The following NAV3 variants were observed in gnomAD, a reference collection of about 807,000 sequenced individuals.
The protein encoded by NAV3 is pore membrane and/or filament interacting like protein 1.
A neutral mutation model predicts 244.7 loss-of-function variants in NAV3; 87 were observed. The ratio of observed to expected loss-of-function variants is 0.36; its 90% confidence interval spans 0.30 to 0.42. The LOEUF is 0.42. Among genes scored for constraint, NAV3 ranks in the 20% least tolerant of loss-of-function variants. The probability of loss-of-function intolerance (pLI) is 1.00; values close to 1 mark genes in which losing one functional copy is unlikely to be tolerated. For missense variants in NAV3, 2,663 were observed against 2,893.3 expected (o/e 0.92, Z 1.83); for synonymous variants, 1,126 against 1,042.2 (o/e 1.08, Z -1.55).
At chr12:77,865,906 TA>T (rs1879940903) in intron 1 of NAV3, among the ~76,000 whole-genome samples, 1 of 141,870 alleles carries the variant, frequency 7.0e-6, no homozygotes, top group African/African-American at 2.5e-5. Flanking sequence ...ACATAGTGGG[TA>T]ATCAACATAC....
chr12:78,204,628 T>A (rs1038605798), intron 38 of NAV3, among the ~76,000 whole-genome samples: 3 of 152,134 alleles, frequency 2.0e-5, no homozygotes, highest in Non-Finnish European at 4.4e-5. Flanking sequence ...TCTTGGTTTG[T>A]CAAATTACTA....
intron 27 of NAV3, 53 bp from the exon 28 acceptor site, chr12:78,177,567 C>G (rs1958290333): frequency 1.3e-6 from 2 of 1,508,580 alleles, no homozygotes; most frequent in African/African-American, 2.7e-5. Context: ...ATGATTCTCA[C>G]TTCTTTTCAT....
intron 2 of NAV3, among the ~76,000 whole-genome samples, chr12:77,795,509 A>C (rs1056627638): frequency 1.3e-5 from 2 of 152,174 alleles, no homozygotes; most frequent in African/African-American, 4.8e-5. Context: ...CAGACTTTCA[A>C]TGTACAGTAA....
At chr12:77,812,543 T>G (rs1872338242) in intron 2 of NAV3, among the ~76,000 whole-genome samples, 1 of 152,018 alleles carries the variant, frequency 6.6e-6, no homozygotes, top group African/African-American at 2.4e-5. Context: ...GCCTTCCAAG[T>G]AGCTGGGATT....
intron 2 of NAV3, among the ~76,000 whole-genome samples, chr12:77,576,233 G>A (rs1307078587): frequency 6.6e-6 from 1 of 151,978 alleles, no homozygotes; most frequent in Non-Finnish European, 1.5e-5. Flanking sequence ...TTAATTGATA[G>A]GAATAATACT....
intron 2 of NAV3, among the ~76,000 whole-genome samples, chr12:77,802,989 A>G (rs991343397): frequency 6.6e-6 from 1 of 152,098 alleles, no homozygotes; most frequent in Non-Finnish European, 1.5e-5. Flanking sequence ...TTTTGAAGAC[A>G]CTTTAGGATA....
In NAV3 at chr12:78,001,222, A is replaced by G. The variant is rs192511401; in HGVS notation, c.880+2746A>G. Among the ~76,000 whole-genome samples, 403 of 152,310 alleles carry G rather than the reference A, an allele frequency of 2.6e-3. 2 individuals carry two copies. Among genetic ancestry groups the G allele is most frequent in the Non-Finnish European group, 4.4e-3 (299 of 68,020 alleles). On this transcript the variant is annotated intron_variant, in intron 7 of 39. Transcript: ENST00000397909. ...TTACTGTATTATATTGATAGAACTC[A>G]GAAAGTACTAACTTGAATATTATTA...
chr12:78,078,147 A>G (rs1047371591), intron 12 of NAV3, among the ~76,000 whole-genome samples: 5 of 152,096 alleles, frequency 3.3e-5, no homozygotes, highest in African/African-American at 1.2e-4. Context: ...CCATCATGTT[A>G]GATTAGGTCC....
At chr12:77,621,477 CT>C (rs1217567447) in intron 2 of NAV3, among the ~76,000 whole-genome samples, 209 of 135,044 alleles carry the variant, frequency 1.5e-3, no homozygotes, top group Middle Eastern at 3.6e-3. Flanking sequence ...TTTCTCTTCT[CT>C]TTTTTTTTTT....
intron 2 of NAV3, among the ~76,000 whole-genome samples, chr12:77,809,538 C>T (rs1006621124): frequency 2.0e-5 from 3 of 152,124 alleles, no homozygotes; most frequent in African/African-American, 7.2e-5. Flanking sequence ...GAGTCAGGTA[C>T]CTCAGTTTTA....
At chr12:77,854,799 G>A (rs912085766) in intron 1 of NAV3, among the ~76,000 whole-genome samples, 19 of 152,084 alleles carry the variant, frequency 1.2e-4, no homozygotes, top group Admixed American at 9.8e-4. Flanking sequence ...TATTTTAAGT[G>A]TAAGCATTTA....
At chr12:77,636,792 A>C (rs1176835642) in intron 2 of NAV3, among the ~76,000 whole-genome samples, 1 of 152,210 alleles carries the variant, frequency 6.6e-6, no homozygotes, top group Non-Finnish European at 1.5e-5. Flanking sequence ...GCACATATAC[A>C]TAGAGTACTA....
rs1231158617 is a variant in NAV3, at chr12:77,775,284, C to T, written c.73-165035C>T. Among the ~76,000 whole-genome samples, 6 of 151,500 alleles carry T rather than the reference C, an allele frequency of 4.0e-5. No homozygotes were observed. The South Asian group carries it at 8.3e-4, about 21-fold the overall frequency. On this transcript the variant is annotated intron_variant, in intron 2 of 8. Transcript: ENST00000550042. ...GTTCATGCCTGTATTTCCAGCTACT[C>T]GGGAGGCTGAGGCACGAAAATTGCT... is the stretch of plus-strand genomic sequence containing the variant.
At chr12:77,787,091 A>G (rs6538356) in intron 2 of NAV3, among the ~76,000 whole-genome samples, 85,476 of 151,708 alleles carry the variant, frequency 0.56, 24,197 homozygotes, top group South Asian at 0.69. Flanking sequence ...AGCTGGGAAG[A>G]AGCAGAGAAG....
At chr12:77,610,305 G>T (rs376174790) in intron 2 of NAV3, among the ~76,000 whole-genome samples, 4 of 151,952 alleles carry the variant, frequency 2.6e-5, no homozygotes, top group African/African-American at 9.7e-5. Context: ...TCTTCCTGCC[G>T]TGTCTCTGAT....
At chr12:77,818,671 A>T (rs987571472) in intron 2 of NAV3, among the ~76,000 whole-genome samples, 1 of 152,088 alleles carries the variant, frequency 6.6e-6, no homozygotes, top group African/African-American at 2.4e-5. Flanking sequence ...CCAGGTTAGT[A>T]TCTGATGGTC....
intron 2 of NAV3, among the ~76,000 whole-genome samples, chr12:77,693,841 T>C (rs1416696379): frequency 6.6e-6 from 1 of 152,080 alleles, no homozygotes; most frequent in Non-Finnish European, 1.5e-5. Flanking sequence ...TTTATTTTCT[T>C]TTTTTTGTGT....
chr12:78,002,898 T>C (rs1873549656), intron 7 of NAV3, among the ~76,000 whole-genome samples: 1 of 151,870 alleles, frequency 6.6e-6, no homozygotes, highest in African/African-American at 2.4e-5. Flanking sequence ...GACTTGGCCA[T>C]ATGTGTTGTT....
At chr12:78,065,016 A>G (rs1358953835) in intron 12 of NAV3, among the ~76,000 whole-genome samples, 1 of 152,144 alleles carries the variant, frequency 6.6e-6, no homozygotes, top group East Asian at 1.9e-4. Flanking sequence ...ACAGTTAAAG[A>G]CAAAAAACTT....
Sources: allele counts gnomAD v4.1 joint callset (sites outside exome capture counted in the v4.1 genomes callset), GRCh38; gene constraint gnomAD v4.1.1; transcripts MANE v1.5; gene names NCBI Gene and HGNC (gene_info 2026-07-23, HGNC 2026-07-21).